Variants in MAPK10 observed in about 807,000 individuals in gnomAD.
MAPK10 encodes the protein mitogen-activated protein kinase 10.
A neutral mutation model predicts 59.3 loss-of-function variants in MAPK10; 25 were observed. The observed-to-expected ratio is 0.42, with a 90% CI of 0.31 to 0.59. The LOEUF (loss-of-function observed/expected upper bound fraction) is 0.59, where lower values mean the gene tolerates loss of function less well. Among genes scored for constraint, MAPK10 ranks in the 20% least tolerant of loss-of-function variants. The pLI, the probability that MAPK10 is intolerant of heterozygous loss-of-function variation, is 0.15. For missense variants in MAPK10, 351 were observed against 568.9 expected (o/e 0.62, Z 3.90); for synonymous variants, 190 against 200.5 (o/e 0.95, Z 0.44).
intron 2 of MAPK10, among the ~76,000 whole-genome samples, chr4:86,206,512 G>A (rs1166630440): frequency 1.3e-5 from 2 of 152,084 alleles, no homozygotes; most frequent in East Asian, 1.9e-4. Context: ...ACATACGTGT[G>A]CATGTGTCTT....
At chr4:86,555,245 A>C (rs1031636142) in intron 1 of MAPK10, among the ~76,000 whole-genome samples, 5 of 152,132 alleles carry the variant, frequency 3.3e-5, no homozygotes, top group African/African-American at 1.2e-4. Flanking sequence ...CAGGAGTTCA[A>C]GACCAGGCTG....
In MAPK10 at chr4:86,084,074, C is replaced by A. The variant is rs181423580; in HGVS notation, c.802+14450G>T. 9.9e-5 allele frequency among the ~76,000 whole-genome samples: 15 copies of A among 152,246 alleles called. No individual in the cohort carries two copies. In the East Asian group the frequency reaches 2.9e-3, roughly 29 times the overall value. ...CATACCCAGGTACTATGCTGAGGGC[C>A]TTGGGTGAAACTCTGAGACTTGCTG... On this transcript the variant is annotated intron_variant, in intron 9 of 13. Coordinates refer to ENST00000641462, the MANE Select transcript of MAPK10 (RefSeq NM_138982.4).
intron 1 of MAPK10, among the ~76,000 whole-genome samples, chr4:86,524,845 CAAA>C (rs35177743): frequency 3.0e-5 from 3 of 99,164 alleles, no homozygotes; most frequent in Non-Finnish European, 2.1e-5. Flanking sequence ...TAGGTTGGTG[CAAA>C]AAAAAAAAAA....
In MAPK10 at chr4:86,523,132, TTTA is replaced by T. The variant is rs1233332713; in HGVS notation, c.-263+70775_-263+70777del. On this transcript the variant is annotated intron_variant, in intron 1 of 4. Coordinates refer to the MAPK10 transcript ENST00000502302. ...CACTTATATTGATATTATTAATACC[TTTA>T]TTATTATTACCTTTATGTTTATTAA... Among the ~76,000 whole-genome samples, 15 of 152,344 alleles carry T rather than the reference TTTA, an allele frequency of 9.8e-5. 1 individual carries two copies. The Middle Eastern group carries it at 0.037, about 380-fold the overall frequency.
At chr4:86,183,633 G>A (rs894459667) in intron 3 of MAPK10, among the ~76,000 whole-genome samples, 1 of 152,080 alleles carries the variant, frequency 6.6e-6, no homozygotes, top group Non-Finnish European at 1.5e-5. Flanking sequence ...GGCATGATTT[G>A]TAATCCTTTG....
intron 1 of MAPK10, among the ~76,000 whole-genome samples, chr4:86,548,788 C>T (rs571556407): frequency 4.6e-5 from 7 of 152,190 alleles, no homozygotes; most frequent in Non-Finnish European, 8.8e-5. Context: ...TGAGATTCCA[C>T]TAGACCACAA....
intron 1 of MAPK10, among the ~76,000 whole-genome samples, chr4:86,475,018 C>T (rs1752961100): frequency 6.6e-6 from 1 of 152,186 alleles, no homozygotes; most frequent in Non-Finnish European, 1.5e-5. Context: ...CGACTGAGCA[C>T]CTTGTGACCC....
At chr4:86,048,360 C>A (rs944189108) in intron 11 of MAPK10, among the ~76,000 whole-genome samples, 1 of 152,066 alleles carries the variant, frequency 6.6e-6, no homozygotes, top group African/African-American at 2.4e-5. Flanking sequence ...ACTTAAAATT[C>A]TGAGAAGCAG....
rs1462460649 is a variant in MAPK10, at chr4:86,359,973, TAGA to T, written c.-440_-438del. 5 of 985,414 alleles carry T rather than the reference TAGA, an allele frequency of 5.1e-6. No homozygotes were observed. Among genetic ancestry groups the T allele is most frequent in the African/African-American group, 1.8e-5 (1 of 57,126 alleles). 61.0% of individuals were successfully genotyped at this position (985,414 alleles called of 1,614,324 possible). A position where few individuals can be genotyped will look rare whatever the true frequency, so the allele number is the denominator to read the frequency against. ...AAAGTGAAGGGGAGGTTAAAGAAAATAGAAGAAGAGTGGCTTGCTGAATCACCC... is the reference window on the plus strand; with the variant it reads ...AAAGTGAAGGGGAGGTTAAAGAAAATAGAAGAGTGGCTTGCTGAATCACCC... On this transcript the variant is annotated 5_prime_UTR_variant, in exon 1 of 14. Transcript: ENST00000641462.
intron 4 of MAPK10, among the ~76,000 whole-genome samples, chr4:86,134,993 C>T (rs1053644996): frequency 2.6e-5 from 4 of 152,176 alleles, no homozygotes; most frequent in Non-Finnish European, 5.9e-5. Context: ...TAAAAAACGG[C>T]GCACCACGAG....
At chr4:86,215,756 G>A (rs527854265) in intron 2 of MAPK10, among the ~76,000 whole-genome samples, 1 of 152,246 alleles carries the variant, frequency 6.6e-6, no homozygotes, top group South Asian at 2.1e-4. Context: ...CAGCTACTCA[G>A]GAGGCTGGGG....
chr4:86,352,130 T>C (rs1731866904), intron 2 of MAPK10: 1 of 152,108 alleles, frequency 6.6e-6, no homozygotes, highest in Non-Finnish European at 1.5e-5. Context: ...GGAAAATATT[T>C]TGGAATTATT....
chr4:86,291,064 A>C (rs1209516336), intron 2 of MAPK10, among the ~76,000 whole-genome samples: 1 of 152,216 alleles, frequency 6.6e-6, no homozygotes, highest in Non-Finnish European at 1.5e-5. Context: ...AAGTGCAACT[A>C]TAGACAAGAC....
chr4:86,380,044 T>C (rs1344702915), intron 1 of MAPK10, among the ~76,000 whole-genome samples: 1 of 152,108 alleles, frequency 6.6e-6, no homozygotes, highest in Non-Finnish European at 1.5e-5. Flanking sequence ...GAGACCAGCC[T>C]GGCCAAACAT....
intron 2 of MAPK10, among the ~76,000 whole-genome samples, chr4:86,240,768 C>T (rs1260723871): frequency 1.3e-5 from 2 of 152,066 alleles, no homozygotes; most frequent in Non-Finnish European, 2.9e-5. Context: ...ATGCAGCAAA[C>T]CGATGGGTCT....
At chr4:86,192,551 G>A (rs1190796583) in intron 3 of MAPK10, 1 of 151,132 alleles carries the variant, frequency 6.6e-6, no homozygotes, top group Non-Finnish European at 1.5e-5. Context: ...CCTTTCTTCC[G>A]CTTGATGGAT....
At chr4:86,424,874 T>A (rs948856128) in intron 1 of MAPK10, among the ~76,000 whole-genome samples, 2 of 152,138 alleles carry the variant, frequency 1.3e-5, no homozygotes, top group Non-Finnish European at 2.9e-5. Context: ...TCAAGCATAA[T>A]TGACCATAAG....
chr4:86,082,437 A>T (rs955581867), intron 9 of MAPK10: 1 of 152,190 alleles, frequency 6.6e-6, no homozygotes, highest in Non-Finnish European at 1.5e-5. Flanking sequence ...TTATCCCAAC[A>T]GTTAAATGTT....
At chr4:86,396,286 G>A (rs1009275714) in intron 1 of MAPK10, among the ~76,000 whole-genome samples, 5 of 152,190 alleles carry the variant, frequency 3.3e-5, no homozygotes, top group African/African-American at 1.2e-4. Flanking sequence ...GGCGGAGCTT[G>A]CAGTGAGCCG....
Sources: allele counts gnomAD v4.1 joint callset (sites outside exome capture counted in the v4.1 genomes callset), GRCh38; gene constraint gnomAD v4.1.1; transcripts MANE v1.5; gene names NCBI Gene and HGNC (gene_info 2026-07-23, HGNC 2026-07-21).